Variants in CNTLN observed in about 807,000 individuals in gnomAD.
CNTLN encodes the protein centlein.
CNTLN carries 212 observed loss-of-function variants against 180.0 expected under a neutral mutation model. The ratio of observed to expected loss-of-function variants is 1.18; its 90% CI spans 1.05 to 1.32. The LOEUF is 1.32. Among genes scored for constraint, CNTLN ranks in the 40% most tolerant of loss-of-function variants. The pLI is 0.00. For synonymous variants in CNTLN, 722 were observed against 563.1 expected, an observed-to-expected ratio of 1.28 and a Z score of -3.99; for missense variants, 2,095 against 1,610.9, an observed-to-expected ratio of 1.30 and a Z score of -5.14.
intron 8 of CNTLN, among the ~76,000 whole-genome samples, chr9:17,314,576 T>C (rs937873453): frequency 2.1e-4 from 32 of 152,178 alleles, no homozygotes; most frequent in African/African-American, 7.5e-4. Context: ...CTGGAACTTT[T>C]CCCCTCAATT....
At chr9:17,497,241 C>T (rs984922379) in intron 25 of CNTLN, among the ~76,000 whole-genome samples, 4 of 152,066 alleles carry the variant, frequency 2.6e-5, no homozygotes, top group African/African-American at 4.8e-5. Flanking sequence ...AAGAAACTCC[C>T]AGCTGCTGAG....
At chr9:17,523,813 A>AG in the CNTLN span, among the ~76,000 whole-genome samples, 8 of 152,208 alleles carry the variant, frequency 5.3e-5, no homozygotes, top group Non-Finnish European at 1.2e-4. Flanking sequence ...CCCGTAAAGA[A>AG]GCTTGGTCCT....
chr9:17,449,194 T>C (rs970426255), intron 18 of CNTLN, among the ~76,000 whole-genome samples: 12 of 152,232 alleles, frequency 7.9e-5, no homozygotes, highest in Non-Finnish European at 1.3e-4. Flanking sequence ...TCCCAGTATT[T>C]AGTACCTGGT....
intron 15 of CNTLN, among the ~76,000 whole-genome samples, chr9:17,407,257 C>T (rs1172368039): frequency 6.6e-6 from 1 of 152,126 alleles, no homozygotes; most frequent in African/African-American, 2.4e-5. Context: ...GAAATAAATC[C>T]TAAGTAAGGT....
intron 18 of CNTLN, among the ~76,000 whole-genome samples, chr9:17,424,699 G>A (rs1828958411): frequency 6.6e-6 from 1 of 152,140 alleles, no homozygotes; most frequent in Non-Finnish European, 1.5e-5. Context: ...TAGAGGTAGG[G>A]TAATTAGGAT....
At chr9:17,256,461 G>C (rs148757216) in intron 5 of CNTLN, among the ~76,000 whole-genome samples, 1 of 151,792 alleles carries the variant, frequency 6.6e-6, no homozygotes, top group East Asian at 1.9e-4. Context: ...ATTATGATTG[G>C]TGTGAGATGG....
intron 10 of CNTLN, among the ~76,000 whole-genome samples, chr9:17,339,149 A>G (rs1486605263): frequency 6.6e-6 from 1 of 152,208 alleles, no homozygotes. Context: ...ACTTCTTGTT[A>G]CAAACAAGAC....
intron 6 of CNTLN, among the ~76,000 whole-genome samples, chr9:17,278,096 G>T (rs747327033): frequency 2.8e-4 from 43 of 152,146 alleles, no homozygotes; most frequent in Non-Finnish European, 5.7e-4. Context: ...TCAGCAGAGA[G>T]TGAGCTGGGT....
chr9:17,279,791 A>C (rs187737781), intron 6 of CNTLN, among the ~76,000 whole-genome samples: 52 of 102,846 alleles, frequency 5.1e-4, no homozygotes, highest in African/African-American at 2.1e-3. Context: ...TGTCCCATCC[A>C]AAGTTCATGT....
chr9:17,285,193 C>T (rs1411867260), intron 6 of CNTLN, among the ~76,000 whole-genome samples: 1 of 137,028 alleles, frequency 7.3e-6, no homozygotes, highest in Non-Finnish European at 1.5e-5. Flanking sequence ...TGTGATATTC[C>T]CCTTCCTGTG....
intron 6 of CNTLN, among the ~76,000 whole-genome samples, chr9:17,288,426 C>A (rs201094750): frequency 7.7e-5 from 11 of 142,374 alleles, no homozygotes; most frequent in South Asian, 7.7e-4. Flanking sequence ...CTTTACTTCC[C>A]AGTATGTGGT....
At chr9:17,164,465 T>G (rs970698711) in intron 2 of CNTLN, among the ~76,000 whole-genome samples, 4 of 139,412 alleles carry the variant, frequency 2.9e-5, no homozygotes, top group Non-Finnish European at 4.6e-5. Context: ...ATGTTTTTTT[T>G]TTTTTTTTTT....
intron 2 of CNTLN, among the ~76,000 whole-genome samples, chr9:17,158,921 T>G (rs1819485488): frequency 6.6e-6 from 1 of 152,052 alleles, no homozygotes; most frequent in South Asian, 2.1e-4. Flanking sequence ...AGGTTTAGTT[T>G]GCTTTTATTT....
chr9:17,143,597 T>C (rs972332372), intron 2 of CNTLN, among the ~76,000 whole-genome samples: 1 of 152,026 alleles, frequency 6.6e-6, no homozygotes, highest in African/African-American at 2.4e-5. Flanking sequence ...ATTTGGAGAG[T>C]GTGTAGCTAA....
intron 18 of CNTLN, among the ~76,000 whole-genome samples, chr9:17,432,817 C>T (rs1030385019): frequency 1.3e-5 from 2 of 151,920 alleles, no homozygotes; most frequent in Admixed American, 6.6e-5. Flanking sequence ...GTCATGAGTT[C>T]GAGACCAGCC....
chr9:17,373,934 C>T (rs1225519994), intron 13 of CNTLN, among the ~76,000 whole-genome samples: 1 of 152,140 alleles, frequency 6.6e-6, no homozygotes, highest in Non-Finnish European at 1.5e-5. Context: ...TGAAACTAGT[C>T]CCCTATGTCT....
At chr9:17,358,978 T>G (rs905999935) in intron 12 of CNTLN, among the ~76,000 whole-genome samples, 1 of 152,100 alleles carries the variant, frequency 6.6e-6, no homozygotes, top group African/African-American at 2.4e-5. Flanking sequence ...CTTTGTGACT[T>G]TGTAGTAGGC....
At chr9:17,390,418 T>C (rs1295372180) in intron 14 of CNTLN, among the ~76,000 whole-genome samples, 1 of 151,830 alleles carries the variant, frequency 6.6e-6, no homozygotes, top group Non-Finnish European at 1.5e-5. Flanking sequence ...TTTGTGTTTT[T>C]CGTAGAGATG....
In CNTLN at chr9:17,259,179, A is replaced by G. The variant is rs376304191; in HGVS notation, c.850-14554A>G. On this transcript the variant is annotated intron_variant, in intron 5 of 25. Transcript: ENST00000380647. ...ACCTAATTTATTGAGAGTTTTTAGC[A>G]TGAAGGGTTGTTGAATTTTGTACAA... Among the ~76,000 whole-genome samples, 27 of 149,454 alleles carry G rather than the reference A, an allele frequency of 1.8e-4. No homozygotes were observed. The East Asian group carries it at 2.4e-3, about 13-fold the overall frequency.
Sources: gnomAD v4.1 joint callset for allele counts (sites outside exome capture counted in the v4.1 genomes callset) on GRCh38, gnomAD v4.1.1 for gene constraint, MANE v1.5 for transcripts, NCBI Gene and HGNC (gene_info 2026-07-23, HGNC 2026-07-21) for gene names.